The following FARS2 variants were observed in gnomAD, a reference collection of about 807,000 sequenced individuals.
The protein encoded by FARS2 is phenylalanine--tRNA ligase, mitochondrial.
Under a neutral mutation model 46.4 loss-of-function variants are expected in FARS2, and 40 were observed. The ratio of observed to expected loss-of-function variants is 0.86; its 90% CI spans 0.67 to 1.12. The LOEUF (loss-of-function observed/expected upper bound fraction) is 1.12, where lower values mean the gene tolerates loss of function less well. Among genes scored for constraint, FARS2 ranks in the 50% most tolerant of loss-of-function variants. The pLI is 0.00. For synonymous variants in FARS2, 234 were observed against 214.9 expected (o/e 1.09, Z -0.78); for missense variants, 513 against 567.9 (o/e 0.90, Z 0.98).
chr6:5,758,229 CAAT>C (rs150334784), intron 6 of FARS2, among the ~76,000 whole-genome samples: 2,322 of 151,902 alleles, frequency 0.015, 67 homozygotes, highest in African/African-American at 0.05. Flanking sequence ...TTTATAGGCC[CAAT>C]AATAAGCCAC....
intron 4 of FARS2, among the ~76,000 whole-genome samples, chr6:5,505,468 A>C (rs557758027): frequency 6.6e-6 from 1 of 152,354 alleles, no homozygotes; most frequent in South Asian, 2.1e-4. Flanking sequence ...AGTACTGTCC[A>C]CATGGTCCTG....
chr6:5,588,363 AG>A (rs1301345646), intron 5 of FARS2, among the ~76,000 whole-genome samples: 5 of 152,172 alleles, frequency 3.3e-5, no homozygotes, highest in Admixed American at 6.5e-5. Flanking sequence ...TTTTTTAAAA[AG>A]ATAAGTTAGA....
chr6:5,431,744 A>C, intron 4 of FARS2: 1 of 523,634 alleles, frequency 1.9e-6, no homozygotes, highest in South Asian at 1.4e-5. Flanking sequence ...TAGGCATTTC[A>C]GAAAGATCTG....
At chr6:5,561,734 T>C (rs998607344) in intron 5 of FARS2, among the ~76,000 whole-genome samples, 5 of 152,106 alleles carry the variant, frequency 3.3e-5, no homozygotes, top group Admixed American at 6.5e-5. Flanking sequence ...ATTACTCTCC[T>C]TGAATAGTGG....
At chr6:5,758,119 C>T (rs2150973606) in intron 6 of FARS2, among the ~76,000 whole-genome samples, 1 of 152,124 alleles carries the variant, frequency 6.6e-6, no homozygotes, top group East Asian at 1.9e-4. Context: ...ACAGTAAGCA[C>T]AAACATTCCA....
chr6:5,454,754 G>A (rs901919340), intron 4 of FARS2, among the ~76,000 whole-genome samples: 12 of 152,210 alleles, frequency 7.9e-5, no homozygotes, highest in Admixed American at 6.5e-5. Flanking sequence ...TGTAGTGAAT[G>A]TGTCCTCCAA....
At chr6:5,688,176 A>G (rs544268541) in intron 6 of FARS2, among the ~76,000 whole-genome samples, 4 of 152,268 alleles carry the variant, frequency 2.6e-5, no homozygotes, top group East Asian at 3.9e-4. Context: ...TCTTTTCCTA[A>G]TTGAATACAC....
intron 6 of FARS2, among the ~76,000 whole-genome samples, chr6:5,711,271 A>C (rs1420470677): frequency 6.8e-6 from 1 of 146,394 alleles, no homozygotes; most frequent in African/African-American, 2.6e-5. Flanking sequence ...GATTATACCA[A>C]TATAAATGAA....
intron 1 of FARS2, among the ~76,000 whole-genome samples, chr6:5,318,698 ACT>A (rs1186894884): frequency 6.6e-6 from 1 of 152,048 alleles, no homozygotes; most frequent in Non-Finnish European, 1.5e-5. Context: ...GGGTTTAAAT[ACT>A]CTCTAGAGCT....
At chr6:5,645,801 A>C (rs1777047377) in intron 6 of FARS2, among the ~76,000 whole-genome samples, 1 of 152,206 alleles carries the variant, frequency 6.6e-6, no homozygotes, top group African/African-American at 2.4e-5. Flanking sequence ...TATTAAAAGT[A>C]ATTGCACGGG....
chr6:5,321,409 G>A (rs1012277829), intron 1 of FARS2, among the ~76,000 whole-genome samples: 1 of 152,166 alleles, frequency 6.6e-6, no homozygotes, highest in Non-Finnish European at 1.5e-5. Context: ...ATGAAGAGGG[G>A]AGGAAACAGT....
intron 2 of FARS2, among the ~76,000 whole-genome samples, chr6:5,369,609 C>G (rs1222442681): frequency 6.6e-6 from 1 of 152,120 alleles, no homozygotes; most frequent in Non-Finnish European, 1.5e-5. Context: ...AAATGAATTT[C>G]TTAGGTACCT....
chr6:5,283,366 TC>T (rs1233365076), intron 1 of FARS2, among the ~76,000 whole-genome samples: 1 of 111,130 alleles, frequency 9.0e-6, no homozygotes, highest in Non-Finnish European at 1.8e-5. Context: ...AAAGTGAAAC[TC>T]CTGTCTCAAA....
chr6:5,744,422 G>A (rs543444182), intron 6 of FARS2, among the ~76,000 whole-genome samples: 49 of 152,360 alleles, frequency 3.2e-4, no homozygotes, highest in African/African-American at 1.1e-3. Context: ...ACCCATTACA[G>A]CAGTCCTCTG....
chr6:5,421,385 A>G (rs1762540874), intron 3 of FARS2, among the ~76,000 whole-genome samples: 1 of 152,132 alleles, frequency 6.6e-6, no homozygotes, highest in Admixed American at 6.5e-5. Context: ...TGCCACAAAG[A>G]CCTCTGACAT....
intron 4 of FARS2, among the ~76,000 whole-genome samples, chr6:5,440,758 C>T (rs534211522): frequency 1.9e-4 from 29 of 151,846 alleles, no homozygotes; most frequent in Non-Finnish European, 3.1e-4. Context: ...CTCCTGGCCT[C>T]GAGTGATCCT....
At chr6:5,720,902 A>G (rs1225491429) in intron 6 of FARS2, among the ~76,000 whole-genome samples, 2 of 152,078 alleles carry the variant, frequency 1.3e-5, no homozygotes, top group African/African-American at 2.4e-5. Context: ...AATTTTTTTT[A>G]ATTAGCTGTG....
chr6:5,770,043 C>T (rs1762954073), intron 6 of FARS2, among the ~76,000 whole-genome samples: 1 of 152,128 alleles, frequency 6.6e-6, no homozygotes, highest in African/African-American at 2.4e-5. Flanking sequence ...AGGGCTCTGG[C>T]ATTCAGATGA....
chr6:5,542,020 AAATTAGCATAT>A (rs1770668466), intron 4 of FARS2, among the ~76,000 whole-genome samples: 1 of 152,206 alleles, frequency 6.6e-6, no homozygotes, highest in African/African-American at 2.4e-5. Context: ...TGATGCATTA[AAATTAGCATAT>A]AACCAGCAAT....
Sources: gnomAD v4.1 joint callset for allele counts (sites outside exome capture counted in the v4.1 genomes callset) on GRCh38, gnomAD v4.1.1 for gene constraint, MANE v1.5 for transcripts, NCBI Gene and HGNC (gene_info 2026-07-23, HGNC 2026-07-21) for gene names.